CFAP20DC: variants seen among roughly 807,000 people sequenced by gnomAD.
CFAP20DC encodes the protein protein CFAP20DC.
Under a neutral mutation model 101.7 loss-of-function variants are expected in CFAP20DC, and 84 were observed. That is an observed-to-expected ratio of 0.83 (90% CI 0.69 to 0.99). The LOEUF (loss-of-function observed/expected upper bound fraction) is 0.99, where lower values mean the gene tolerates loss of function less well. Ranked by LOEUF, CFAP20DC falls within the 50% of genes least tolerant of loss-of-function variation. CFAP20DC has a pLI of 0.00. For synonymous variants in CFAP20DC, 359 were observed against 351.2 expected (o/e 1.02, Z -0.25); for missense variants, 1,007 against 970.3 (o/e 1.04, Z -0.50).
intron 4 of CFAP20DC, among the ~76,000 whole-genome samples, chr3:58,993,725 T>A (rs2093016204): frequency 6.6e-6 from 1 of 152,194 alleles, no homozygotes; most frequent in South Asian, 2.1e-4. Context: ...GGATAATGGC[T>A]TCCAGCTACA....
chr3:58,948,046 T>A (rs1414086399), intron 4 of CFAP20DC, among the ~76,000 whole-genome samples: 1 of 152,142 alleles, frequency 6.6e-6, no homozygotes, highest in Non-Finnish European at 1.5e-5. Flanking sequence ...GGTCCATGGG[T>A]GAAGTGGGCC....
In CFAP20DC at chr3:58,861,665, G is replaced by A; in HGVS notation, c.1593+1893C>T. ...TTGTATCTCGTTAGTCTCTGTACCAGCAAACCCCAAAGCTTGATAATGTGG... is the reference window on the plus strand; with the variant it reads ...TTGTATCTCGTTAGTCTCTGTACCAACAAACCCCAAAGCTTGATAATGTGG... On this transcript the variant is annotated intron_variant, in intron 12 of 16. Transcript: ENST00000482387. The surrounding 1 kb of genome is among the most constrained non-coding windows in gnomAD (Gnocchi z 4.0). 2.0e-6 allele frequency: 2 copies of A among 985,366 alleles called. No individual in the cohort carries two copies. The highest frequency in any genetic ancestry group is 2.4e-6 in the Non-Finnish European group (2 of 829,910). The allele number at this position is 985,366 out of a possible 1,614,324, so 61.0% of individuals were successfully genotyped here.
At position 58,725,179 on chromosome 3, in the gene CFAP20DC, T is replaced by C. The variant is rs1484062969; in HGVS notation, c.198-7551A>G. Among the ~76,000 whole-genome samples the C allele has an allele frequency of 2.0e-5, 3 of 152,190 alleles. No individual in the cohort carries two copies. In the East Asian group the frequency reaches 5.8e-4, roughly 29 times the overall value. ...ACTTTTCTTTCTACCATGTCCTTTATGTGCAAGGAAGGCAGATCAGTGAAA... is the reference window on the plus strand; with the variant it reads ...ACTTTTCTTTCTACCATGTCCTTTACGTGCAAGGAAGGCAGATCAGTGAAA... On this transcript the variant is annotated intron_variant, in intron 3 of 3. Coordinates refer to the CFAP20DC transcript ENST00000486145.
At chr3:58,988,338 C>T (rs560681492) in intron 4 of CFAP20DC, among the ~76,000 whole-genome samples, 9 of 152,118 alleles carry the variant, frequency 5.9e-5, no homozygotes, top group Non-Finnish European at 1.2e-4. Flanking sequence ...TCAGTCAAGA[C>T]GGGTTATACC....
intron 5 of CFAP20DC, among the ~76,000 whole-genome samples, chr3:58,931,045 G>C (rs1329516462): frequency 1.3e-5 from 2 of 152,132 alleles, no homozygotes; most frequent in Admixed American, 6.6e-5. Context: ...ATGGCACCTG[G>C]AAAATTGGGT....
chr3:58,850,565 G>C (rs764227117), intron 12 of CFAP20DC, among the ~76,000 whole-genome samples: 2 of 140,914 alleles, frequency 1.4e-5, no homozygotes, highest in Non-Finnish European at 3.0e-5. Context: ...CCCAGCCTGG[G>C]CAACAACAGC....
At chr3:59,013,073 T>C (rs2093620850) in intron 4 of CFAP20DC, among the ~76,000 whole-genome samples, 1 of 152,154 alleles carries the variant, frequency 6.6e-6, no homozygotes, top group African/African-American at 2.4e-5. Flanking sequence ...GACAAAGGGC[T>C]AAAGGAGCAA....
intron 12 of CFAP20DC, among the ~76,000 whole-genome samples, chr3:58,855,496 C>A (rs1424614716): frequency 6.6e-6 from 1 of 152,056 alleles, no homozygotes; most frequent in Non-Finnish European, 1.5e-5. Context: ...GGTATATACC[C>A]AAAGGACTAT....
chr3:58,884,359 A>G (rs2081445498), intron 7 of CFAP20DC, among the ~76,000 whole-genome samples, 186 bp downstream of exon 7: 1 of 152,204 alleles, frequency 6.6e-6, no homozygotes, highest in African/African-American at 2.4e-5. Context: ...TTATTCATTT[A>G]TGTTATCCTC....
chr3:59,026,633 C>T (rs971417474), intron 4 of CFAP20DC, among the ~76,000 whole-genome samples: 8 of 152,016 alleles, frequency 5.3e-5, no homozygotes, highest in Middle Eastern at 3.2e-3. Context: ...TGAGGAAGAC[C>T]GATGACATAT....
chr3:58,753,910 A>G, intron 15 of CFAP20DC, 47 bp from the exon 16 acceptor site: 1 of 1,318,196 alleles, frequency 7.6e-7, no homozygotes, highest in Non-Finnish European at 1.1e-6. Context: ...TTCCATATAT[A>G]GATTTTAGGT....
chr3:58,823,073 C>T (rs1265743089), intron 14 of CFAP20DC, among the ~76,000 whole-genome samples: 2 of 152,142 alleles, frequency 1.3e-5, no homozygotes, highest in African/African-American at 4.8e-5. Flanking sequence ...CTCTCTTCAT[C>T]AAACCTGGAG....
chr3:58,813,248 C>A (rs924621890), intron 14 of CFAP20DC, among the ~76,000 whole-genome samples: 25 of 151,994 alleles, frequency 1.6e-4, no homozygotes, highest in African/African-American at 5.3e-4. Flanking sequence ...CATAGCTGAA[C>A]AACTATATCT....
At chr3:58,738,056 A>G (rs1047354357), downstream of CFAP20DC, among the ~76,000 whole-genome samples, 1 of 152,252 alleles carries the variant, frequency 6.6e-6, no homozygotes, top group Admixed American at 6.5e-5. The surrounding 1 kb of genome is among the most constrained non-coding windows in gnomAD (Gnocchi z 4.4). Context: ...GGAGAAAAAG[A>G]GAAAATAGAA....
intron 6 of CFAP20DC, among the ~76,000 whole-genome samples, chr3:58,909,350 A>G (rs1038743906): frequency 6.6e-6 from 1 of 152,152 alleles, no homozygotes; most frequent in Non-Finnish European, 1.5e-5. Context: ...AAAGTTGTGC[A>G]TATCTGAGCT....
chr3:58,815,979 A>C (rs540588539), intron 14 of CFAP20DC, among the ~76,000 whole-genome samples: 1 of 151,828 alleles, frequency 6.6e-6, no homozygotes, highest in South Asian at 2.1e-4. Flanking sequence ...AGAACTGGAA[A>C]TATCATTTGA....
At chr3:58,961,016 T>C (rs2091088211) in intron 4 of CFAP20DC, among the ~76,000 whole-genome samples, 1 of 152,250 alleles carries the variant, frequency 6.6e-6, no homozygotes, top group African/African-American at 2.4e-5. Flanking sequence ...TTTCTTGTTC[T>C]TCATTCTACT....
intron 10 of CFAP20DC, 84 bp from the exon 11 acceptor site, chr3:58,866,772 T>C (rs1232073924): frequency 7.9e-6 from 7 of 889,142 alleles, no homozygotes; most frequent in Non-Finnish European, 1.0e-5. Flanking sequence ...TACTTTGGTA[T>C]ACTTTACTAT....
chr3:58,811,678 T>C (rs1326198841), intron 14 of CFAP20DC, among the ~76,000 whole-genome samples: 1 of 152,128 alleles, frequency 6.6e-6, no homozygotes, highest in Admixed American at 6.6e-5. Flanking sequence ...CCAAAGTCAA[T>C]GGCAACAAAA....
Sources: allele counts gnomAD v4.1 joint callset (sites outside exome capture counted in the v4.1 genomes callset), GRCh38; gene constraint gnomAD v4.1.1; non-coding constraint Gnocchi (gnomAD v3.1); transcripts MANE v1.5; gene names NCBI Gene and HGNC (gene_info 2026-07-23, HGNC 2026-07-21).